NOTCH3: variants seen among roughly 807,000 people sequenced by gnomAD.
NOTCH3 encodes neurogenic locus notch homolog protein 3.
In NOTCH3, 86 loss-of-function variants were observed where a neutral mutation model predicts 213.3. The ratio of observed to expected loss-of-function variants is 0.40; its 90% CI spans 0.34 to 0.48. The LOEUF is 0.48. Ranked by LOEUF, NOTCH3 falls within the 20% of genes least tolerant of loss-of-function variation. The pLI is 0.57. For missense variants in NOTCH3, 2,783 were observed against 3,272.6 expected (o/e 0.85, Z 3.65); for synonymous variants, 1,354 against 1,355.9 (o/e 1.00, Z 0.03).
intron 32 of NOTCH3, among the ~76,000 whole-genome samples, chr19:15,162,005 A>G (rs1175414061): frequency 1.7e-5 from 2 of 116,872 alleles, no homozygotes; most frequent in African/African-American, 6.9e-5. Flanking sequence ...TTTTTTTGAC[A>G]GAGTCTCACT....
rs111899180 is a variant in NOTCH3 at position 15,189,616 on chromosome 19, T to C, written c.1037-188A>G. Among the ~76,000 whole-genome samples the C allele has an allele frequency of 9.6e-3, 1,462 of 152,306 alleles. 24 individuals carry two copies. The highest frequency in any genetic ancestry group is 0.033 in the African/African-American group (1,354 of 41,574). On this transcript the variant is annotated intron_variant, in intron 6 of 32. Coordinates refer to ENST00000263388, the MANE Select transcript of NOTCH3 (RefSeq NM_000435.3). ...TCACTGTAACCTCCACCTCCCAGGTTCAAGCGATTCTCCTGCTCAGCCTCC... is the reference window on the plus strand; with the variant it reads ...TCACTGTAACCTCCACCTCCCAGGTCCAAGCGATTCTCCTGCTCAGCCTCC...
chr19:15,197,460 A>G lies in NOTCH3; in HGVS notation c.197+40T>C, dbSNP rs773658685. On this transcript the variant is annotated intron_variant, in intron 2 of 32. Coordinates refer to ENST00000263388, the MANE Select transcript of NOTCH3 (RefSeq NM_000435.3). The stretch of plus-strand genomic sequence containing the variant: ...CAAATCGCCCCTCCCCCCCGCCCCC[A>G]CACACAGGGCCCACTGGTGGCTCTG... 3 of 531,176 alleles carry G rather than the reference A, an allele frequency of 5.6e-6. No individual in the cohort carries two copies. The Admixed American group carries it at 8.0e-5, about 14-fold the overall frequency. 32.9% of individuals were successfully genotyped at this position (531,176 alleles called of 1,614,324 possible). A position where few individuals can be genotyped will look rare whatever the true frequency, so the allele number is the denominator to read the frequency against.
rs2145401603 is a variant in NOTCH3 at position 15,170,736 on chromosome 19, T to A, written c.4826A>T (p.Asp1609Val). ...HCFPDAQSAA[D>V]YLGALSAVER... ...CACCGCTGACAACGCTCCCAGGTAG[T>A]CAGCGGCGCTCTGGGCATCGGGGAA... The change falls in exon 26 of 33, where the codon GAC becomes GTC. Residue 1609 changes from aspartate (D) to valine (V), a missense_variant. Transcript: ENST00000263388. 1 of 1,609,240 alleles carries A rather than the reference T, an allele frequency of 6.2e-7. No individual in the cohort carries two copies. The highest frequency in any genetic ancestry group is 8.5e-7 in the Non-Finnish European group (1 of 1,178,362).
intron 23 of NOTCH3, 141 bp downstream of exon 23, chr19:15,178,682 G>A (rs2046812393): frequency 5.6e-6 from 4 of 713,874 alleles, no homozygotes; most frequent in South Asian, 4.6e-5. Context: ...ACCACACCCG[G>A]CGGAAATGTC....
intron 1 of NOTCH3, among the ~76,000 whole-genome samples, chr19:15,199,704 G>C: frequency 6.6e-6 from 1 of 152,212 alleles, no homozygotes; most frequent in East Asian, 1.9e-4. Flanking sequence ...CAGGCCATGT[G>C]TGTGCGCCGC....
chr19:15,173,401 G>GAC (rs1480369850), intron 25 of NOTCH3, among the ~76,000 whole-genome samples: 87 of 114,484 alleles, frequency 7.6e-4, no homozygotes, highest in Middle Eastern at 8.2e-3. Flanking sequence ...TAGCCTGGGC[G>GAC]ACAGAGCGAG....
Position 15,180,822 on chromosome 19 carries a change from C to T in NOTCH3, c.3001G>A (p.Val1001Met), listed in dbSNP as rs2145422139. Residue 1001 changes from valine (V) to methionine (M), a missense_variant, in exon 19 of 33, where the codon GTG becomes ATG. Coordinates refer to ENST00000263388, the MANE Select transcript of NOTCH3 (RefSeq NM_000435.3). ...CAAGGCTGGCGGCTGCACCAATCCA[C>T]CAGCGTCTGGAGGGGAAGCACTCAG... Reference protein sequence around the residue: ...SFTGPQCQTLVDWCSRQPCQN... With the variant: ...SFTGPQCQTLMDWCSRQPCQN... The T allele has an allele frequency of 6.2e-7, 1 of 1,612,444 alleles. No homozygotes were observed. Among genetic ancestry groups the T allele is most frequent in the Non-Finnish European group, 8.5e-7 (1 of 1,179,548 alleles).
At position 15,162,537 on chromosome 19, in the gene NOTCH3, C is replaced by T. The variant is rs2046653600; in HGVS notation, c.5841G>A (p.Ala1947=). 12 of 1,613,798 alleles carry T rather than the reference C, an allele frequency of 7.4e-6. No individual in the cohort carries two copies. Among genetic ancestry groups the T allele is most frequent in the Admixed American group, 1.7e-5 (1 of 59,976 alleles). Residue 1947 remains alanine, a synonymous_variant, in exon 32 of 33, where the codon GCG becomes GCA. Coordinates refer to ENST00000263388, the MANE Select transcript of NOTCH3 (RefSeq NM_000435.3). ...AAGTGGCTTCCACGTTGTTCACAGC[C>T]GCAGCCCAGTGTAAGGCTGATTTCC... ...ELGKSALHWA[A]AVNNVEATLA...
At chr19:15,179,528 C>T (rs1296312369) in intron 20 of NOTCH3, 32 bp from the exon 21 acceptor site, 1 of 1,612,232 alleles carries the variant, frequency 6.2e-7, no homozygotes, top group East Asian at 2.2e-5. Context: ...ACCCACTCAG[C>T]TTAGTGGGAC....
chr19:15,183,237 G>C (rs2046854270), intron 16 of NOTCH3, among the ~76,000 whole-genome samples: 1 of 152,122 alleles, frequency 6.6e-6, no homozygotes, highest in Admixed American at 6.6e-5. Flanking sequence ...CTGGGCGACA[G>C]AGCCTCACTC....
Position 15,160,688 on chromosome 19 carries a change from T to C in NOTCH3, c.6940A>G (p.Thr2314Ala). 5 of 1,613,808 alleles carry C rather than the reference T, an allele frequency of 3.1e-6. No homozygotes were observed. The highest frequency in any genetic ancestry group is 4.2e-6 in the Non-Finnish European group (5 of 1,179,922). Residue 2314 changes from threonine (T) to alanine (A), a missense_variant, in exon 33 of 33, where the codon ACC becomes GCC. Physicochemically the swap from Thr to Ala is moderately conservative, Grantham distance 58 (BLOSUM62 0). Coordinates refer to ENST00000263388, the MANE Select transcript of NOTCH3 (RefSeq NM_000435.3). Reference protein sequence around the residue: ...QTQLGPQPEVTPKRQVLA With the variant: ...QTQLGPQPEVAPKRQVLA ...CAGGCCAACACTTGCCTCTTGGGGG[T>C]AACTTCCGGCTGGGGCCCCAGCTGG... is the stretch of plus-strand genomic sequence containing the variant.
chr19:15,179,997 C>A, intron 20 of NOTCH3, 75 bp downstream of exon 20: 1 of 1,032,480 alleles, frequency 9.7e-7, no homozygotes, highest in Non-Finnish European at 1.5e-6. Flanking sequence ...CATACCAAGC[C>A]ACACAGAAAT....
chr19:15,168,058 G>A lies in NOTCH3; in HGVS notation c.5200-647C>T, dbSNP rs190776449. Reference sequence around the variant, plus strand: ...GCTCAAATGATCCTCCCACCTCAGCGGCCCAAGTAGCTGGGACTATAAGCA... The same window carrying A: ...GCTCAAATGATCCTCCCACCTCAGCAGCCCAAGTAGCTGGGACTATAAGCA... On this transcript the variant is annotated intron_variant, in intron 28 of 32. Transcript: ENST00000263388. 3.5e-4 allele frequency among the ~76,000 whole-genome samples: 53 copies of A among 152,060 alleles called. 1 individual carries two copies. In the South Asian group the frequency reaches 7.7e-3, roughly 22 times the overall value.
chr19:15,188,448 C>T (rs1599390816), intron 8 of NOTCH3, 100 bp from the exon 9 acceptor site: 1 of 797,218 alleles, frequency 1.3e-6, no homozygotes, highest in East Asian at 2.7e-5. Context: ...CGACAAATCC[C>T]CCGAGCCTTC....
intron 24 of NOTCH3, among the ~76,000 whole-genome samples, chr19:15,175,407 G>A (rs1352887495): frequency 1.3e-5 from 2 of 149,848 alleles, no homozygotes; most frequent in Non-Finnish European, 3.0e-5. Context: ...GGTGGCGGGC[G>A]CCTGTAATCC....
intron 16 of NOTCH3, among the ~76,000 whole-genome samples, chr19:15,184,037 CAAAAAAA>C (rs34518539): frequency 1.1e-4 from 3 of 27,622 alleles, no homozygotes; most frequent in Non-Finnish European, 1.7e-4. Flanking sequence ...GACTCTGTCT[CAAAAAAA>C]AAAAAAAAAA....
chr19:15,179,504 G>A lies in NOTCH3; in HGVS notation c.3328-8C>T. 1.2e-6 allele frequency: 2 copies of A among 1,613,682 alleles called. No homozygotes were observed. The highest frequency in any genetic ancestry group is 1.7e-6 in the Non-Finnish European group (2 of 1,179,982). On this transcript the variant is annotated splice_region_variant and splice_polypyrimidine_tract_variant and intron_variant, in intron 20 of 32. Coordinates refer to ENST00000263388, the MANE Select transcript of NOTCH3 (RefSeq NM_000435.3). ...ATTGTAGCCAGGAAGACACTTCAGT[G>A]GGGTAAGAGAGGGACCCACTCAGCT... is the stretch of plus-strand genomic sequence containing the variant.
Position 15,187,251 on chromosome 19 carries a change from C to T in NOTCH3, c.1694G>A (p.Ser565Asn), listed in dbSNP as rs766795197. Reference protein sequence around the residue: ...HHGRCVDGIASFSCACAPGYT... With the variant: ...HHGRCVDGIANFSCACAPGYT... ...GCCAGGAGCACAGGCACATGAGAAG[C>T]TGGCGATGCCATCCACGCAGCGACC... Residue 565 changes from serine (S) to asparagine (N), a missense_variant, in exon 11 of 33, where the codon AGC becomes AAC. Ser to Asn is a conservative substitution (Grantham distance 46, BLOSUM62 1). Around this residue, in one of 6 missense-constraint regions of NOTCH3, gnomAD observed 708 missense variants for 906.6 expected, o/e 0.78. Coordinates refer to ENST00000263388, the MANE Select transcript of NOTCH3 (RefSeq NM_000435.3). The T allele has an allele frequency of 1.1e-5, 18 of 1,614,010 alleles. No individual in the cohort carries two copies. Among genetic ancestry groups the T allele is most frequent in the Non-Finnish European group, 1.4e-5 (17 of 1,180,034 alleles).
intron 18 of NOTCH3, 43 bp from the exon 19 acceptor site, chr19:15,180,871 T>C: frequency 1.9e-6 from 3 of 1,607,676 alleles, no homozygotes; most frequent in Non-Finnish European, 2.5e-6. Flanking sequence ...GGGTGGGGGG[T>C]AGTCTGGGAG....
Sources: gnomAD v4.1 joint callset for allele counts (sites outside exome capture counted in the v4.1 genomes callset) on GRCh38, gnomAD v4.1.1 for gene constraint, gnomAD v4.1.1 regional missense constraint, MANE v1.5 for transcripts, NCBI Gene and HGNC (gene_info 2026-07-23, HGNC 2026-07-21) for gene names.